ZNF469: variants seen among roughly 807,000 people sequenced by gnomAD.
ZNF469 encodes the protein zinc finger protein 469.
A neutral mutation model predicts 1.0 loss-of-function variants in ZNF469; 1 was observed. That is an observed-to-expected ratio of 1.00 (90% CI 0.35 to 4.73). ZNF469 has a LOEUF of 4.73. ZNF469 is among the 30% of genes most tolerant of loss of function. ZNF469 has a pLI of 0.16. For synonymous variants in ZNF469, 2,703 were observed against 2,363.4 expected (o/e 1.14, Z -4.17); for missense variants, 6,100 against 5,356.3 (o/e 1.14, Z -4.33).
chr16:88,389,324 C>T (rs1348945538), intron 1 of ZNF469, among the ~76,000 whole-genome samples: 2 of 152,226 alleles, frequency 1.3e-5, no homozygotes, highest in African/African-American at 4.8e-5. Flanking sequence ...TGTGCCGTGG[C>T]GGGAGTCGGC....
the ZNF469 span, among the ~76,000 whole-genome samples, chr16:88,248,276 C>A: frequency 6.6e-6 from 1 of 152,216 alleles, no homozygotes; most frequent in African/African-American, 2.4e-5. Flanking sequence ...AAGAAAAATT[C>A]AAAGCTGAAC....
chr16:88,133,709 A>G, the ZNF469 span, among the ~76,000 whole-genome samples: 2 of 152,070 alleles, frequency 1.3e-5, no homozygotes, highest in African/African-American at 4.8e-5. Flanking sequence ...AACTAACTTA[A>G]CATTCATAGG....
the ZNF469 span, among the ~76,000 whole-genome samples, chr16:88,206,692 G>A: frequency 1.3e-5 from 2 of 151,350 alleles, no homozygotes; most frequent in African/African-American, 2.4e-5. Flanking sequence ...TTAAAACCTC[G>A]ATGGCTTTGG....
chr16:88,276,784 G>A, the ZNF469 span, among the ~76,000 whole-genome samples: 1 of 152,112 alleles, frequency 6.6e-6, no homozygotes, highest in Admixed American at 6.5e-5. Flanking sequence ...GCTGACACTA[G>A]GTCAGTACCA....
At chr16:88,407,766 T>G (rs1905059128) in intron 1 of ZNF469, among the ~76,000 whole-genome samples, 1 of 152,264 alleles carries the variant, frequency 6.6e-6, no homozygotes, top group Non-Finnish European at 1.5e-5. Flanking sequence ...GCCCTGCCAG[T>G]GCTCAGACGC....
At chr16:88,292,004 G>A in the ZNF469 span, among the ~76,000 whole-genome samples, 1 of 152,352 alleles carries the variant, frequency 6.6e-6, no homozygotes, top group South Asian at 2.1e-4. Context: ...CATATTCTGT[G>A]GTAGGACAGT....
chr16:88,227,216 G>A, the ZNF469 span, among the ~76,000 whole-genome samples: 1 of 152,318 alleles, frequency 6.6e-6, no homozygotes, highest in South Asian at 2.1e-4. Flanking sequence ...CCGTCGTGGG[G>A]ATACATAAGG....
the ZNF469 span, among the ~76,000 whole-genome samples, chr16:88,297,031 C>A: frequency 6.6e-6 from 1 of 152,244 alleles, no homozygotes; most frequent in African/African-American, 2.4e-5. Context: ...GTCTCCCAAA[C>A]GCTGGAAAAG....
the ZNF469 span, among the ~76,000 whole-genome samples, chr16:88,201,437 C>G: frequency 6.6e-6 from 1 of 152,094 alleles, no homozygotes; most frequent in Non-Finnish European, 1.5e-5. The surrounding 1 kb of genome is among the most constrained non-coding windows in gnomAD (Gnocchi z 5.0). Context: ...CACCTGTAAT[C>G]CCAGCTACTT....
the ZNF469 span, among the ~76,000 whole-genome samples, chr16:88,265,893 G>A: frequency 2.0e-5 from 3 of 152,246 alleles, no homozygotes; most frequent in South Asian, 2.1e-4. Flanking sequence ...AGATGAAGGT[G>A]GTTGGCTCAG....
the ZNF469 span, among the ~76,000 whole-genome samples, chr16:88,293,023 A>G: frequency 4.6e-5 from 7 of 152,220 alleles, no homozygotes; most frequent in African/African-American, 1.7e-4. Context: ...GGCCTCTACC[A>G]GCAGCCAGAA....
the ZNF469 span, among the ~76,000 whole-genome samples, chr16:88,226,602 C>A: frequency 6.6e-6 from 1 of 152,092 alleles, no homozygotes; most frequent in South Asian, 2.1e-4. Flanking sequence ...CTCAAGAGAC[C>A]AGTGCGGCCC....
the ZNF469 span, among the ~76,000 whole-genome samples, chr16:88,215,556 A>T: frequency 6.6e-6 from 1 of 151,306 alleles, no homozygotes; most frequent in African/African-American, 2.4e-5. Flanking sequence ...CCCCCAGCTA[A>T]TTTTTGTATT....
chr16:88,119,429 G>A, the ZNF469 span, among the ~76,000 whole-genome samples: 1 of 152,232 alleles, frequency 6.6e-6, no homozygotes, highest in South Asian at 2.1e-4. Flanking sequence ...ACCCTGATGA[G>A]AATAACCTTG....
the ZNF469 span, among the ~76,000 whole-genome samples, chr16:88,377,889 C>G: frequency 3.8e-5 from 4 of 105,992 alleles, no homozygotes; most frequent in African/African-American, 3.7e-4. Context: ...TGTTTGATGC[C>G]AGGAAAAAAA....
intron 1 of ZNF469, among the ~76,000 whole-genome samples, chr16:88,422,718 G>C (rs1247714227): frequency 6.7e-6 from 1 of 150,078 alleles, no homozygotes; most frequent in Non-Finnish European, 1.5e-5. Context: ...TGGGTGGATG[G>C]ATGGATGGAT....
chr16:88,122,587 C>T, the ZNF469 span, among the ~76,000 whole-genome samples: 5 of 152,340 alleles, frequency 3.3e-5, no homozygotes, highest in South Asian at 1.0e-3. Context: ...CCACGGCAGC[C>T]ACTTGGATAG....
the ZNF469 span, among the ~76,000 whole-genome samples, chr16:88,269,128 G>C: frequency 6.6e-6 from 1 of 152,220 alleles, no homozygotes; most frequent in Non-Finnish European, 1.5e-5. Flanking sequence ...TGAGGAGCAG[G>C]TGAAGGTGGG....
the ZNF469 span, among the ~76,000 whole-genome samples, chr16:88,348,747 G>A: frequency 9.8e-5 from 15 of 152,288 alleles, no homozygotes; most frequent in East Asian, 1.9e-4. Flanking sequence ...TGCCTCAGCC[G>A]CCCCACTGCC....
Sources: allele counts gnomAD v4.1 joint callset (sites outside exome capture counted in the v4.1 genomes callset), GRCh38; gene constraint gnomAD v4.1.1; non-coding constraint Gnocchi (gnomAD v3.1); transcripts MANE v1.5; gene names NCBI Gene and HGNC (gene_info 2026-07-23, HGNC 2026-07-21).